KAZN: variants seen among roughly 807,000 people sequenced by gnomAD.
The protein encoded by KAZN is kazrin, periplakin interacting protein.
Under a neutral mutation model 87.4 loss-of-function variants are expected in KAZN, and 40 were observed. The observed-to-expected ratio is 0.46, with a 90% CI of 0.36 to 0.60. The LOEUF (loss-of-function observed/expected upper bound fraction) is 0.60. KAZN is among the 20% of genes least tolerant of loss of function. The pLI is 0.00. For synonymous variants in KAZN, 466 were observed against 458.3 expected (o/e 1.02, Z -0.22); for missense variants, 898 against 1,073.9 (o/e 0.84, Z 2.29).
At chr1:14,217,825 T>C (rs1646992221) in intron 2 of KAZN, among the ~76,000 whole-genome samples, 2 of 152,038 alleles carry the variant, frequency 1.3e-5, no homozygotes, top group South Asian at 2.1e-4. Context: ...TAATAGACAA[T>C]ATCAGGCTTT....
intron 1 of KAZN, among the ~76,000 whole-genome samples, chr1:14,603,509 A>T (rs1253160689): frequency 6.6e-6 from 1 of 152,180 alleles, no homozygotes; most frequent in Non-Finnish European, 1.5e-5. Context: ...ATTGGGGATT[A>T]TTTACTATCT....
At chr1:14,104,155 G>T (rs1334837126) in intron 1 of KAZN, among the ~76,000 whole-genome samples, 3 of 152,214 alleles carry the variant, frequency 2.0e-5, no homozygotes, top group Non-Finnish European at 4.4e-5. Flanking sequence ...GAGGGAGGAA[G>T]GGTCTGGAAT....
intron 2 of KAZN, among the ~76,000 whole-genome samples, chr1:14,368,710 A>C (rs1410658681): frequency 6.6e-6 from 1 of 152,070 alleles, no homozygotes; most frequent in Non-Finnish European, 1.5e-5. Context: ...ACGACCATGC[A>C]CCCAAACTGA....
chr1:14,357,500 C>T (rs568125062), intron 2 of KAZN, among the ~76,000 whole-genome samples: 157 of 152,164 alleles, frequency 1.0e-3, no homozygotes, highest in Admixed American at 2.7e-3. Flanking sequence ...TGTCTTGTGC[C>T]GGTTTTCAAA....
chr1:14,419,735 C>T (rs558121405), intron 2 of KAZN, among the ~76,000 whole-genome samples: 3 of 152,032 alleles, frequency 2.0e-5, no homozygotes, highest in African/African-American at 4.8e-5. Context: ...CCGCGGTGAG[C>T]GTTAGGACTC....
At chr1:14,082,969 G>A (rs1379740902) in intron 1 of KAZN, among the ~76,000 whole-genome samples, 1 of 152,234 alleles carries the variant, frequency 6.6e-6, no homozygotes, top group African/African-American at 2.4e-5. Context: ...GCCGAGGCGG[G>A]TGGATCATGA....
chr1:13,969,926 C>T (rs535507424), intron 1 of KAZN, among the ~76,000 whole-genome samples: 5 of 152,172 alleles, frequency 3.3e-5, no homozygotes, highest in African/African-American at 7.2e-5. Context: ...AGGTAGGCAC[C>T]GCCCATTTTA....
intron 2 of KAZN, among the ~76,000 whole-genome samples, chr1:14,450,930 G>C (rs138608517): frequency 1.1e-4 from 17 of 152,092 alleles, no homozygotes; most frequent in Admixed American, 8.5e-4. Flanking sequence ...TCATCCTCTC[G>C]GTGCTGTCCT....
chr1:14,244,528 G>A (rs899151425), intron 2 of KAZN, among the ~76,000 whole-genome samples: 1 of 152,144 alleles, frequency 6.6e-6, no homozygotes, highest in Non-Finnish European at 1.5e-5. Flanking sequence ...TGGCCTCAAG[G>A]AGCTGAGGTT....
At chr1:14,190,467 CA>C (rs1646399932) in intron 2 of KAZN, among the ~76,000 whole-genome samples, 1 of 152,066 alleles carries the variant, frequency 6.6e-6, no homozygotes, top group South Asian at 2.1e-4. Flanking sequence ...AGTTTGATTG[CA>C]AAAATGGCTG....
At chr1:14,588,402 T>A (rs1211901610) in intron 2 of KAZN, among the ~76,000 whole-genome samples, 2 of 152,210 alleles carry the variant, frequency 1.3e-5, no homozygotes, top group Non-Finnish European at 2.9e-5. Context: ...TTACTTTGAA[T>A]TAAAACGCTA....
chr1:14,387,716 A>T (rs545778135), intron 2 of KAZN, among the ~76,000 whole-genome samples: 63 of 151,948 alleles, frequency 4.1e-4, no homozygotes, highest in African/African-American at 1.5e-3. Flanking sequence ...GCTCTCTTCA[A>T]AGCTGTCAGA....
intron 14 of KAZN, 98 bp from the exon 15 acceptor site, chr1:15,114,373 A>G: frequency 1.0e-6 from 1 of 987,278 alleles, no homozygotes; most frequent in South Asian, 1.6e-5. Context: ...AAGTTACTCA[A>G]TCACAGAGCA....
intron 1 of KAZN, among the ~76,000 whole-genome samples, chr1:13,936,977 TG>T (rs142528857): frequency 0.016 from 2,471 of 152,302 alleles, 63 homozygotes; most frequent in African/African-American, 0.055. Flanking sequence ...TTTTTATGTA[TG>T]TTTTTTGGCC....
At chr1:13,990,263 A>G (rs1570466940) in intron 1 of KAZN, among the ~76,000 whole-genome samples, 1 of 152,322 alleles carries the variant, frequency 6.6e-6, no homozygotes, top group East Asian at 1.9e-4. Context: ...GCCACAAACT[A>G]GAAAGAGCCC....
chr1:14,583,891 T>C (rs1428592188), intron 2 of KAZN, among the ~76,000 whole-genome samples: 2 of 152,122 alleles, frequency 1.3e-5, no homozygotes, highest in African/African-American at 4.8e-5. Flanking sequence ...GTTGTGCAGC[T>C]CACCTAAAGC....
intron 1 of KAZN, among the ~76,000 whole-genome samples, chr1:14,052,896 T>C (rs1480253199): frequency 6.6e-6 from 1 of 152,084 alleles, no homozygotes; most frequent in Non-Finnish European, 1.5e-5. Context: ...GAGGCCCTCA[T>C]TTTCCCATGG....
chr1:14,320,118 G>A (rs1042955828), intron 2 of KAZN, among the ~76,000 whole-genome samples: 11 of 152,084 alleles, frequency 7.2e-5, no homozygotes, highest in African/African-American at 2.7e-4. Context: ...GGATAGTAAG[G>A]ACAAAGTCAG....
intron 1 of KAZN, among the ~76,000 whole-genome samples, chr1:13,975,936 G>A (rs1273405187): frequency 6.6e-6 from 1 of 152,238 alleles, no homozygotes; most frequent in Non-Finnish European, 1.5e-5. Flanking sequence ...GTCTCTCCTA[G>A]ATTTAGGCCA....
Sources: gnomAD v4.1 joint callset for allele counts (sites outside exome capture counted in the v4.1 genomes callset) on GRCh38, gnomAD v4.1.1 for gene constraint, MANE v1.5 for transcripts, NCBI Gene and HGNC (gene_info 2026-07-23, HGNC 2026-07-21) for gene names.